TOMM7: variants seen among roughly 807,000 people sequenced by gnomAD.
TOMM7 encodes mitochondrial import receptor subunit TOM7 homolog.
TOMM7 carries 8 observed loss-of-function variants against 9.5 expected under a neutral mutation model. That is an observed-to-expected ratio of 0.84 (90% confidence interval 0.49 to 1.51). The LOEUF is 1.51. Ranked by LOEUF, TOMM7 falls within the 40% of genes most tolerant of loss-of-function variation. The pLI, the probability that TOMM7 is intolerant of heterozygous loss-of-function variation, is 0.00. For missense variants in TOMM7, 74 were observed against 63.7 expected (o/e 1.16, Z -0.55); for synonymous variants, 27 against 21.4 (o/e 1.26, Z -0.72).
chr7:22,821,389 G>A (rs1202627893), intron 1 of TOMM7, among the ~76,000 whole-genome samples: 21 of 134,538 alleles, frequency 1.6e-4, no homozygotes, highest in African/African-American at 5.6e-4. Context: ...CAGCCTGGGC[G>A]AGGCAGACCC....
chr7:22,822,810 C>T lies in TOMM7; in HGVS notation c.-31G>A, dbSNP rs371820988. 1.9e-6 allele frequency: 3 copies of T among 1,566,566 alleles called. No homozygotes were observed. The highest frequency in any genetic ancestry group is 1.7e-5 in the Admixed American group (1 of 59,824). On this transcript the variant is annotated 5_prime_UTR_variant, in exon 1 of 3. Coordinates refer to ENST00000358435, the MANE Select transcript of TOMM7 (RefSeq NM_019059.5). Reference sequence around the variant, plus strand: ...CGGCCGTGTGGCGCAGGGAGGACCCCTTACAGCAACCACAGCGTCGGGAAT... The same window carrying T: ...CGGCCGTGTGGCGCAGGGAGGACCCTTTACAGCAACCACAGCGTCGGGAAT...
At chr7:22,813,906 C>T (rs899759695) in intron 2 of TOMM7, among the ~76,000 whole-genome samples, 2 of 72,288 alleles carry the variant, frequency 2.8e-5, no homozygotes, top group Non-Finnish European at 4.9e-5. Flanking sequence ...ATGACACTGA[C>T]AGTTTTGTAA....
chr7:22,815,031 T>C (rs1176637870), intron 2 of TOMM7, among the ~76,000 whole-genome samples: 1 of 152,178 alleles, frequency 6.6e-6, no homozygotes, highest in Non-Finnish European at 1.5e-5. Flanking sequence ...ATTCCGTAAC[T>C]GAGTAACCCT....
At chr7:22,817,845 G>A in intron 2 of TOMM7, 155 bp downstream of exon 2, 2 of 611,416 alleles carry the variant, frequency 3.3e-6, no homozygotes. Context: ...TTAGGAGGGG[G>A]AAGAGAAAGT....
chr7:22,815,445 T>C lies in TOMM7; in HGVS notation c.153-2260A>G, dbSNP rs561644677. The stretch of plus-strand genomic sequence containing the variant: ...GTGCTGTGGCTCATGCTTATAATCC[T>C]AGCACATTGGGAGGCCCAGGTGGGA... On this transcript the variant is annotated intron_variant, in intron 2 of 2. Coordinates refer to ENST00000358435, the MANE Select transcript of TOMM7 (RefSeq NM_019059.5). Among the ~76,000 whole-genome samples the C allele has an allele frequency of 1.7e-3, 255 of 150,806 alleles. 2 individuals are homozygous for C. Among genetic ancestry groups the C allele is most frequent in the African/African-American group, 5.9e-3 (242 of 41,072 alleles).
intron 2 of TOMM7, among the ~76,000 whole-genome samples, chr7:22,816,420 C>A (rs1187285511): frequency 2.0e-5 from 3 of 152,136 alleles, no homozygotes; most frequent in Admixed American, 6.5e-5. Flanking sequence ...AACTAGTAGG[C>A]AGAAGATATA....
chr7:22,819,405 G>A (rs1295047653), intron 1 of TOMM7, among the ~76,000 whole-genome samples: 1 of 149,690 alleles, frequency 6.7e-6, no homozygotes, highest in Non-Finnish European at 1.5e-5. Context: ...GTCTCGCTCT[G>A]TCGCCAGGCT....
chr7:22,821,611 C>T (rs1235374545), intron 1 of TOMM7, among the ~76,000 whole-genome samples: 3 of 151,510 alleles, frequency 2.0e-5, no homozygotes, highest in African/African-American at 4.8e-5. Flanking sequence ...TAGCCGCGAG[C>T]GGTGGCTGCA....
chr7:22,817,696 G>A, intron 2 of TOMM7: 1 of 267,682 alleles, frequency 3.7e-6, no homozygotes, highest in South Asian at 6.2e-5. Flanking sequence ...GATATAAAAG[G>A]TTGTATTCAT....
intron 1 of TOMM7, among the ~76,000 whole-genome samples, chr7:22,821,632 C>G (rs1359484460): frequency 6.6e-6 from 1 of 151,760 alleles, no homozygotes; most frequent in Non-Finnish European, 1.5e-5. Flanking sequence ...AGTCTGTAAT[C>G]ACAGCTACTC....
intron 1 of TOMM7, among the ~76,000 whole-genome samples, chr7:22,819,463 C>T (rs1189533204): frequency 3.3e-5 from 5 of 152,206 alleles, no homozygotes; most frequent in East Asian, 1.9e-4. Context: ...CACCTACTCC[C>T]GGGTTCAAGC....
chr7:22,817,984 G>C lies in TOMM7; in HGVS notation c.152+16C>G, dbSNP rs1246840270. The stretch of plus-strand genomic sequence containing the variant: ...ATGAACATTTGTCCTGAAATGTTTA[G>C]TTTTAAGAGCAGTACCTCAAAACAG... On this transcript the variant is annotated intron_variant, in intron 2 of 2. Transcript: ENST00000358435. The C allele has an allele frequency of 1.9e-6, 3 of 1,612,718 alleles. No individual in the cohort carries two copies. Among genetic ancestry groups the C allele is most frequent in the Non-Finnish European group, 2.5e-6 (3 of 1,178,950 alleles).
At chr7:22,815,355 C>A (rs1294681960) in intron 2 of TOMM7, among the ~76,000 whole-genome samples, 4 of 151,996 alleles carry the variant, frequency 2.6e-5, no homozygotes, top group African/African-American at 9.7e-5. Context: ...GCAGGTCCAG[C>A]CTAAAATTTG....
intron 2 of TOMM7, among the ~76,000 whole-genome samples, chr7:22,813,589 C>A (rs560450448): frequency 6.6e-6 from 1 of 151,932 alleles, no homozygotes; most frequent in South Asian, 2.1e-4. Flanking sequence ...GAGGAAAGTT[C>A]ACAACTCCCA....
rs754589475 is a variant in TOMM7 at position 22,822,692 on chromosome 7, G to A, written c.88C>T (p.Leu30Phe). 3 of 1,613,918 alleles carry A rather than the reference G, an allele frequency of 1.9e-6. No homozygotes were observed. Among genetic ancestry groups the A allele is most frequent in the Non-Finnish European group, 2.5e-6 (3 of 1,179,788 alleles). ...QFAIRWGFIPLVIYLGFKRGA... is the reference protein window; with the variant it reads ...QFAIRWGFIPFVIYLGFKRGA... Reference sequence around the variant, plus strand: ...TCCCACTGACCCAGGTAAATCACAAGAGGGATAAAGCCCCAGCGAATGGCA... The same window carrying A: ...TCCCACTGACCCAGGTAAATCACAAAAGGGATAAAGCCCCAGCGAATGGCA... The change falls in exon 1 of 3, where the codon CTT becomes TTT. Residue 30 changes from leucine to phenylalanine, a missense_variant. Transcript: ENST00000358435.
At chr7:22,821,522 T>A (rs10224533) in intron 1 of TOMM7, among the ~76,000 whole-genome samples, 1 of 150,250 alleles carries the variant, frequency 6.7e-6, no homozygotes, top group Non-Finnish European at 1.5e-5. Context: ...GGAGGGGAGG[T>A]AGCTAACTTG....
In TOMM7 at chr7:22,819,290, ATCT is replaced by A. The variant is rs1782355756; in HGVS notation, c.104-1245_104-1243del. On this transcript the variant is annotated intron_variant, in intron 1 of 2. Coordinates refer to ENST00000358435, the MANE Select transcript of TOMM7 (RefSeq NM_019059.5). ...ATAAAAGTTAATATTTAAAAAAAAA[ATCT>A]TCTGTGACTTAGACCATTAAAATAA... Among the ~76,000 whole-genome samples, 6 of 152,226 alleles carry A rather than the reference ATCT, an allele frequency of 3.9e-5. No individual in the cohort carries two copies. In the South Asian group the frequency reaches 1.0e-3, roughly 26 times the overall value.
chr7:22,821,405 CAAA>C (rs76073004), intron 1 of TOMM7, among the ~76,000 whole-genome samples: 48 of 122,966 alleles, frequency 3.9e-4, no homozygotes, highest in South Asian at 5.5e-4. Context: ...GACCCCGTCT[CAAA>C]AAAAAAAAAA....
At chr7:22,818,071 G>C (rs752177308) in intron 1 of TOMM7, 23 bp from the exon 2 acceptor site, 2 of 1,609,164 alleles carry the variant, frequency 1.2e-6, no homozygotes, top group East Asian at 2.2e-5. Flanking sequence ...AGACAGAAGA[G>C]AAAAAATATT....
Sources: gnomAD v4.1 joint callset for allele counts (sites outside exome capture counted in the v4.1 genomes callset) on GRCh38, gnomAD v4.1.1 for gene constraint, MANE v1.5 for transcripts, NCBI Gene and HGNC (gene_info 2026-07-23, HGNC 2026-07-21) for gene names.